Variants in GPC5 observed in about 807,000 individuals in gnomAD.
The protein encoded by GPC5 is glypican 5, also known as glypican-5.
A neutral mutation model predicts 53.9 loss-of-function variants in GPC5; 47 were observed. The ratio of observed to expected loss-of-function variants is 0.87; its 90% CI spans 0.69 to 1.11. GPC5 has a LOEUF of 1.11. GPC5 is among the 50% of genes most tolerant of loss of function. The probability of loss-of-function intolerance (pLI) is 0.00; values close to 1 mark genes in which losing one functional copy is unlikely to be tolerated. For missense variants in GPC5, 748 were observed against 713.1 expected (o/e 1.05, Z -0.56); for synonymous variants, 286 against 263.3 (o/e 1.09, Z -0.84).
intron 7 of GPC5, among the ~76,000 whole-genome samples, chr13:92,561,682 A>G (rs1455709798): frequency 6.6e-6 from 1 of 151,998 alleles, no homozygotes; most frequent in Non-Finnish European, 1.5e-5. Flanking sequence ...TTCTCTCTCT[A>G]CAACTGATTT....
chr13:92,184,060 A>G (rs943866576), intron 7 of GPC5, among the ~76,000 whole-genome samples: 8 of 152,126 alleles, frequency 5.3e-5, no homozygotes, highest in African/African-American at 1.9e-4. Context: ...TCTCAAATTC[A>G]TATGGCTCTA....
intron 7 of GPC5, among the ~76,000 whole-genome samples, chr13:92,718,617 A>T (rs898830320): frequency 1.3e-5 from 2 of 152,120 alleles, no homozygotes; most frequent in African/African-American, 4.8e-5. Flanking sequence ...GCTAGAATGA[A>T]TAAAATCTCC....
At chr13:91,926,614 C>T (rs147172793) in intron 6 of GPC5, among the ~76,000 whole-genome samples, 8 of 152,154 alleles carry the variant, frequency 5.3e-5, no homozygotes, top group Admixed American at 2.0e-4. Flanking sequence ...AAAAACATGC[C>T]GGCTTCTGTT....
chr13:92,215,742 TC>T (rs1275865314), intron 7 of GPC5, among the ~76,000 whole-genome samples: 1 of 152,162 alleles, frequency 6.6e-6, no homozygotes, highest in Non-Finnish European at 1.5e-5. Flanking sequence ...TCTCTAGAAA[TC>T]CATTACAGCA....
chr13:92,234,345 G>A (rs529369525), intron 7 of GPC5, among the ~76,000 whole-genome samples: 8 of 152,168 alleles, frequency 5.3e-5, no homozygotes, highest in South Asian at 4.2e-4. Flanking sequence ...TTTAATGATT[G>A]CCATTCTAAC....
At chr13:92,375,793 C>G (rs1174047786) in intron 7 of GPC5, among the ~76,000 whole-genome samples, 3 of 152,106 alleles carry the variant, frequency 2.0e-5, no homozygotes, top group African/African-American at 7.2e-5. Context: ...TGAATCAGAC[C>G]CACTGAGATA....
intron 2 of GPC5, among the ~76,000 whole-genome samples, chr13:91,613,907 CAGG>C (rs1355745545): frequency 3.3e-5 from 5 of 152,024 alleles, no homozygotes; most frequent in Non-Finnish European, 7.4e-5. Context: ...AAGTAAAAGT[CAGG>C]AGGAGAAGTA....
intron 2 of GPC5, among the ~76,000 whole-genome samples, chr13:91,510,791 A>G (rs1885194031): frequency 6.6e-6 from 1 of 152,044 alleles, no homozygotes. Flanking sequence ...CTATTAATTA[A>G]TATTTGTTGC....
intron 7 of GPC5, among the ~76,000 whole-genome samples, chr13:92,177,158 T>C (rs1281730274): frequency 6.6e-6 from 1 of 152,226 alleles, no homozygotes; most frequent in Non-Finnish European, 1.5e-5. Context: ...GACCCCTGGC[T>C]TCTGAAAACC....
intron 5 of GPC5, among the ~76,000 whole-genome samples, chr13:91,902,590 T>A (rs1483166326): frequency 2.0e-5 from 3 of 152,072 alleles, no homozygotes; most frequent in Non-Finnish European, 4.4e-5. Flanking sequence ...TCCTTTTCAT[T>A]GTAATGTGAA....
intron 5 of GPC5, among the ~76,000 whole-genome samples, chr13:91,889,701 C>T (rs557700769): frequency 1.2e-4 from 19 of 152,204 alleles, no homozygotes; most frequent in South Asian, 2.1e-4. Flanking sequence ...CATATATTCA[C>T]GCACATAACA....
chr13:92,552,167 G>A (rs1882340327), intron 7 of GPC5, among the ~76,000 whole-genome samples: 1 of 151,960 alleles, frequency 6.6e-6, no homozygotes, highest in South Asian at 2.1e-4. Context: ...AGTGTGAAGA[G>A]TGAAGGGAGA....
intron 2 of GPC5, among the ~76,000 whole-genome samples, chr13:91,549,750 C>A (rs2030516132): frequency 6.6e-6 from 1 of 152,134 alleles, no homozygotes; most frequent in African/African-American, 2.4e-5. Context: ...ATCCAGAACA[C>A]TGACCCACAC....
chr13:91,787,998 G>A lies in GPC5; in HGVS notation c.1280+31578G>A, dbSNP rs545392820. 3.3e-5 allele frequency among the ~76,000 whole-genome samples: 5 copies of A among 152,154 alleles called. No homozygotes were observed. In the South Asian group the frequency reaches 8.3e-4, roughly 25 times the overall value. On this transcript the variant is annotated intron_variant, in intron 5 of 7. Transcript: ENST00000377067. ...ACCATTTTATCTCCTGAGGGTGAGA[G>A]CTTTTTTTTAAAGCTATAATTTCTG... is the stretch of plus-strand genomic sequence containing the variant.
At chr13:92,693,666 G>A (rs9523776) in intron 7 of GPC5, among the ~76,000 whole-genome samples, 23,567 of 152,068 alleles carry the variant, frequency 0.15, 2,196 homozygotes, top group Non-Finnish European at 0.22. Context: ...ATACATGTTC[G>A]CAAAGAGAGT....
Position 91,499,870 on chromosome 13 carries a change from A to C in GPC5, c.325+50948A>C, listed in dbSNP as rs538644397. 1.7e-3 allele frequency among the ~76,000 whole-genome samples: 266 copies of C among 152,330 alleles called. 2 individuals carry two copies. Among genetic ancestry groups the C allele is most frequent in the African/African-American group, 6.3e-3 (260 of 41,584 alleles). Reference sequence around the variant, plus strand: ...ATCCTGTATTGATTTACATATAAAAATTGCCAATGTGCAATATTTTTCAAG... The same window carrying C: ...ATCCTGTATTGATTTACATATAAAACTTGCCAATGTGCAATATTTTTCAAG... On this transcript the variant is annotated intron_variant, in intron 2 of 7. Transcript: ENST00000377067.
chr13:92,244,700 A>G (rs547391526), intron 7 of GPC5, among the ~76,000 whole-genome samples: 35 of 152,290 alleles, frequency 2.3e-4, no homozygotes, highest in African/African-American at 7.9e-4. Flanking sequence ...AAGCTGGGAT[A>G]ATTTTTAATC....
At chr13:92,238,710 G>A (rs534074557) in intron 7 of GPC5, among the ~76,000 whole-genome samples, 6 of 151,504 alleles carry the variant, frequency 4.0e-5, no homozygotes, top group Admixed American at 3.3e-4. Flanking sequence ...CCTTTGTCTG[G>A]GTTAACTTTT....
intron 6 of GPC5, among the ~76,000 whole-genome samples, chr13:92,017,105 T>C (rs763685490): frequency 2.6e-5 from 4 of 152,034 alleles, no homozygotes; most frequent in Admixed American, 6.6e-5. Context: ...GTGGTGGAGT[T>C]GGTGGTTGTG....
Sources: allele counts gnomAD v4.1 joint callset (sites outside exome capture counted in the v4.1 genomes callset), GRCh38; gene constraint gnomAD v4.1.1; transcripts MANE v1.5; gene names NCBI Gene and HGNC (gene_info 2026-07-23, HGNC 2026-07-21).